The following DLGAP1 variants were observed in gnomAD, a reference collection of about 807,000 sequenced individuals.
The protein encoded by DLGAP1 is disks large-associated protein 1.
In DLGAP1, 11 loss-of-function variants were observed where a neutral mutation model predicts 90.8. That is an observed-to-expected ratio of 0.12 (90% CI 0.08 to 0.20). The LOEUF (loss-of-function observed/expected upper bound fraction) is 0.20. Ranked by LOEUF, DLGAP1 falls within the 10% of genes least tolerant of loss-of-function variation. DLGAP1 has a pLI of 1.00. For synonymous variants in DLGAP1, 558 were observed against 540.7 expected (o/e 1.03, Z -0.44); for missense variants, 1,050 against 1,333.8 (o/e 0.79, Z 3.31).
intron 3 of DLGAP1, among the ~76,000 whole-genome samples, chr18:3,967,386 A>G (rs1169002370): frequency 1.3e-5 from 2 of 152,214 alleles, no homozygotes; most frequent in Non-Finnish European, 2.9e-5. Context: ...TATTTAGAAC[A>G]GTGATTCTCA....
rs576331365 is a variant in DLGAP1 at position 4,004,368 on chromosome 18, C to G, written c.-73+748G>C. ...CTAATCACTCGGGGAACAGCTACCC[C>G]CGAGGCCCTCTGCCTTCCTCCTGCT... On this transcript the variant is annotated intron_variant, in intron 3 of 12. Coordinates refer to ENST00000315677, the MANE Select transcript of DLGAP1 (RefSeq NM_004746.4). Among the ~76,000 whole-genome samples, 13 of 133,994 alleles carry G rather than the reference C, an allele frequency of 9.7e-5. 1 individual carries two copies. In the South Asian group the frequency reaches 1.7e-3, roughly 17 times the overall value. The allele number at this position is 133,994 out of a possible 152,430, so 87.9% of individuals were successfully genotyped here.
intron 2 of DLGAP1, among the ~76,000 whole-genome samples, chr18:4,015,385 C>T (rs1186347427): frequency 1.3e-5 from 2 of 152,158 alleles, no homozygotes; most frequent in Non-Finnish European, 2.9e-5. Context: ...TGGATCCACA[C>T]ACCCTAAGTT....
chr18:3,897,889 G>A (rs1185448749), intron 3 of DLGAP1, among the ~76,000 whole-genome samples: 1 of 149,096 alleles, frequency 6.7e-6, no homozygotes, highest in Admixed American at 6.8e-5. Flanking sequence ...CCGCTTCCCG[G>A]GTTCACGCCA....
intron 8 of DLGAP1, among the ~76,000 whole-genome samples, chr18:3,574,838 A>T (rs67083648): frequency 6.8e-6 from 1 of 148,082 alleles, no homozygotes; most frequent in African/African-American, 2.5e-5. Context: ...ATTTTGAGAC[A>T]GAGTCTGGCT....
intron 1 of DLGAP1, among the ~76,000 whole-genome samples, chr18:4,172,408 A>C (rs1486044470): frequency 6.6e-6 from 1 of 152,198 alleles, no homozygotes; most frequent in Non-Finnish European, 1.5e-5. Flanking sequence ...GTACACAGGC[A>C]ACTTTCTAAA....
At chr18:3,549,472 A>C (rs1456904079) in intron 9 of DLGAP1, among the ~76,000 whole-genome samples, 1 of 151,966 alleles carries the variant, frequency 6.6e-6, no homozygotes, top group Non-Finnish European at 1.5e-5. Context: ...AGCTGGGATT[A>C]CAGGCACGTG....
At chr18:3,647,872 A>G (rs1423985429) in intron 7 of DLGAP1, among the ~76,000 whole-genome samples, 1 of 152,240 alleles carries the variant, frequency 6.6e-6, no homozygotes, top group Non-Finnish European at 1.5e-5. Context: ...CAACACAGCC[A>G]GGAAGTTATG....
chr18:3,871,103 A>G (rs1201344990), intron 4 of DLGAP1, among the ~76,000 whole-genome samples: 1 of 152,232 alleles, frequency 6.6e-6, no homozygotes, highest in African/African-American at 2.4e-5. Flanking sequence ...AATATGTACA[A>G]CATAATGGGA....
chr18:4,098,823 A>G (rs2075726683), intron 2 of DLGAP1, among the ~76,000 whole-genome samples: 1 of 152,160 alleles, frequency 6.6e-6, no homozygotes, highest in African/African-American at 2.4e-5. Context: ...GCCCTTTTAT[A>G]TTTATTATTT....
chr18:4,392,379 A>G lies in DLGAP1; in HGVS notation c.-267+62627T>C, dbSNP rs146679908. 7.1e-3 allele frequency among the ~76,000 whole-genome samples: 1,088 copies of G among 152,220 alleles called. 16 individuals are homozygous for G. Among genetic ancestry groups the G allele is most frequent in the African/African-American group, 0.025 (1,028 of 41,526 alleles). ...GCCCTTAAAATGTGAGTGAAAATAC[A>G]CCAGAATTTTCCCATGAAAGGTTAA... On this transcript the variant is annotated intron_variant, in intron 1 of 12. Coordinates refer to ENST00000315677, the MANE Select transcript of DLGAP1 (RefSeq NM_004746.4).
chr18:4,250,353 A>T (rs2145191730), intron 1 of DLGAP1, among the ~76,000 whole-genome samples: 1 of 152,340 alleles, frequency 6.6e-6, no homozygotes, highest in East Asian at 1.9e-4. Flanking sequence ...CAACACTCAC[A>T]GCTGTCACCT....
In DLGAP1 at chr18:3,772,644, T is replaced by C. The variant is rs140555573; in HGVS notation, c.1173-30132A>G. Reference sequence around the variant, plus strand: ...GGGAATTTTATTAATAATATTATTATATCCTCAATTTCTGAGCCCCACCCC... The same window carrying C: ...GGGAATTTTATTAATAATATTATTACATCCTCAATTTCTGAGCCCCACCCC... On this transcript the variant is annotated intron_variant, in intron 5 of 12. Transcript: ENST00000315677. Among the ~76,000 whole-genome samples the C allele has an allele frequency of 5.6e-4, 85 of 151,758 alleles. 1 individual carries two copies. The highest frequency in any genetic ancestry group is 6.8e-3 in the Middle Eastern group (2 of 294).
At chr18:3,609,342 C>T (rs749584036) in intron 7 of DLGAP1, among the ~76,000 whole-genome samples, 3 of 152,220 alleles carry the variant, frequency 2.0e-5, no homozygotes, top group East Asian at 1.9e-4. Flanking sequence ...CCACCTCACC[C>T]GGGCCTGAGT....
At chr18:3,803,666 G>C (rs1163082705) in intron 5 of DLGAP1, among the ~76,000 whole-genome samples, 1 of 151,924 alleles carries the variant, frequency 6.6e-6, no homozygotes, top group Admixed American at 6.6e-5. Flanking sequence ...AGAGTTTCAT[G>C]AGTCAGTGGG....
intron 5 of DLGAP1, among the ~76,000 whole-genome samples, chr18:3,796,859 T>C (rs2066015475): frequency 1.3e-5 from 2 of 152,248 alleles, no homozygotes; most frequent in Admixed American, 1.3e-4. Context: ...TGAGCTATTA[T>C]ACTCAAAGAT....
intron 8 of DLGAP1, among the ~76,000 whole-genome samples, chr18:3,574,541 T>C (rs1170546686): frequency 2.0e-5 from 3 of 152,200 alleles, no homozygotes; most frequent in Non-Finnish European, 2.9e-5. Context: ...TAATGCATCA[T>C]GGTTGGCAAA....
intron 2 of DLGAP1, among the ~76,000 whole-genome samples, chr18:4,105,899 G>A (rs959444207): frequency 2.0e-5 from 3 of 152,030 alleles, no homozygotes; most frequent in African/African-American, 7.2e-5. Context: ...GGGCGTGGTG[G>A]CGGGCACCTG....
intron 2 of DLGAP1, among the ~76,000 whole-genome samples, chr18:4,053,527 T>C (rs1310866362): frequency 6.6e-6 from 1 of 152,216 alleles, no homozygotes; most frequent in African/African-American, 2.4e-5. Flanking sequence ...TATCACTATA[T>C]GAAACTCATG....
At chr18:3,830,432 G>C (rs2067970724) in intron 4 of DLGAP1, among the ~76,000 whole-genome samples, 1 of 152,146 alleles carries the variant, frequency 6.6e-6, no homozygotes, top group Admixed American at 6.5e-5. Context: ...GGGTGTGGTG[G>C]CACATGCCTG....
Sources: allele counts gnomAD v4.1 joint callset (sites outside exome capture counted in the v4.1 genomes callset), GRCh38; gene constraint gnomAD v4.1.1; transcripts MANE v1.5; gene names NCBI Gene and HGNC (gene_info 2026-07-23, HGNC 2026-07-21).